Variants in ADAMTSL3 observed in about 807,000 individuals in gnomAD.
ADAMTSL3 encodes the protein ADAMTS like 3, also known as ADAMTS-like protein 3.
A neutral mutation model predicts 201.7 loss-of-function variants in ADAMTSL3; 128 were observed. The observed-to-expected ratio is 0.63, with a 90% confidence interval of 0.55 to 0.73. ADAMTSL3 has a LOEUF of 0.73. Among genes scored for constraint, ADAMTSL3 ranks in the 30% least tolerant of loss-of-function variants. ADAMTSL3 has a pLI of 0.00. For synonymous variants in ADAMTSL3, 738 were observed against 748.4 expected (o/e 0.99, Z 0.23); for missense variants, 1,990 against 2,119.6 (o/e 0.94, Z 1.20).
At position 83,773,647 on chromosome 15, in the gene ADAMTSL3, G is replaced by T; in HGVS notation, c.314G>T (p.Gly105Val). 5 of 1,608,766 alleles carry T rather than the reference G, an allele frequency of 3.1e-6. No individual in the cohort carries two copies. The highest frequency in any genetic ancestry group is 4.2e-6 in the Non-Finnish European group (5 of 1,178,526). ...TATTCTCTGCGGAGATGTTTGACTG[G>T]AAGGTTAGTGGTGGCTTCACTTGCT... ...ASYSLRRCLT[G>V]RNCEGQNIRY... Residue 105 changes from glycine (G) to valine (V), a missense_variant, in exon 4 of 30, where the codon GGA becomes GTA. By Grantham distance (109) the Gly-to-Val change is moderately radical. Coordinates refer to ENST00000286744, the MANE Select transcript of ADAMTSL3 (RefSeq NM_207517.3).
chr15:83,994,641 G>A, intron 23 of ADAMTSL3, among the ~76,000 whole-genome samples: 1 of 124,372 alleles, frequency 8.0e-6, no homozygotes, highest in East Asian at 2.6e-4. Flanking sequence ...CTGTTGCCCA[G>A]GTTGGAGGGC....
At position 83,873,258 on chromosome 15, in the gene ADAMTSL3, C is replaced by A. The variant is rs186588452; in HGVS notation, c.960+2299C>A. On this transcript the variant is annotated intron_variant, in intron 9 of 29. Transcript: ENST00000286744. ...GGCAGAGGTTGCAGTGAGCCAAGAT[C>A]GCACCACTGCATTCCAGCCTGGGCA... 1.1e-3 allele frequency among the ~76,000 whole-genome samples: 161 copies of A among 144,994 alleles called. 10 individuals carry two copies. Among genetic ancestry groups the A allele is most frequent in the Admixed American group, 9.8e-3 (146 of 14,848 alleles).
At chr15:83,725,007 C>CA (rs1182636130) in intron 3 of ADAMTSL3, among the ~76,000 whole-genome samples, 2 of 151,884 alleles carry the variant, frequency 1.3e-5, no homozygotes, top group Non-Finnish European at 2.9e-5. Context: ...AATAGTGCTG[C>CA]AAAAAACATG....
intron 4 of ADAMTSL3, among the ~76,000 whole-genome samples, chr15:83,791,179 C>G (rs2063338680): frequency 6.6e-6 from 1 of 152,026 alleles, no homozygotes; most frequent in Non-Finnish European, 1.5e-5. Flanking sequence ...TCTACAGATT[C>G]AGTGTAATCT....
chr15:83,670,636 A>G (rs1180269771), intron 2 of ADAMTSL3, among the ~76,000 whole-genome samples: 1 of 152,220 alleles, frequency 6.6e-6, no homozygotes, highest in African/African-American at 2.4e-5. Flanking sequence ...AAAAATGGCT[A>G]AGACCTAATC....
At chr15:83,837,395 G>A (rs2141975710) in intron 6 of ADAMTSL3, among the ~76,000 whole-genome samples, 1 of 152,148 alleles carries the variant, frequency 6.6e-6, no homozygotes, top group African/African-American at 2.4e-5. Context: ...ATTTAGGACA[G>A]TGGTTGTTTT....
intron 20 of ADAMTSL3, among the ~76,000 whole-genome samples, chr15:83,980,155 A>T (rs2067360161): frequency 6.6e-6 from 1 of 152,112 alleles, no homozygotes; most frequent in African/African-American, 2.4e-5. Flanking sequence ...CATGGTCAGA[A>T]ATATGGTCAG....
intron 6 of ADAMTSL3, among the ~76,000 whole-genome samples, chr15:83,822,661 A>T (rs1279629514): frequency 6.8e-6 from 1 of 147,366 alleles, no homozygotes. Context: ...GGCACTCCTC[A>T]CTTCCTAGAT....
At chr15:83,868,875 G>A (rs1018528526) in intron 8 of ADAMTSL3, among the ~76,000 whole-genome samples, 4 of 152,118 alleles carry the variant, frequency 2.6e-5, no homozygotes, top group African/African-American at 4.8e-5. Context: ...TCAAAACCAA[G>A]TTAACAAAAA....
intron 4 of ADAMTSL3, among the ~76,000 whole-genome samples, chr15:83,795,199 AC>A (rs2063405696): frequency 6.6e-6 from 1 of 152,092 alleles, no homozygotes; most frequent in Non-Finnish European, 1.5e-5. Flanking sequence ...ATTTTAAAAA[AC>A]TAGAAATGCC....
chr15:83,728,890 T>G (rs2062222971), intron 3 of ADAMTSL3, among the ~76,000 whole-genome samples: 1 of 152,126 alleles, frequency 6.6e-6, no homozygotes, highest in South Asian at 2.1e-4. Context: ...AAAGTCTTTT[T>G]CTTTCCAGTT....
At chr15:83,815,434 G>A (rs374364122) in intron 5 of ADAMTSL3, among the ~76,000 whole-genome samples, 3 of 152,158 alleles carry the variant, frequency 2.0e-5, no homozygotes, top group Non-Finnish European at 2.9e-5. Context: ...TCCCTAGCAC[G>A]TGACCTAGGG....
intron 4 of ADAMTSL3, among the ~76,000 whole-genome samples, chr15:83,789,707 C>T (rs544628125): frequency 4.7e-4 from 72 of 152,088 alleles, no homozygotes; most frequent in Non-Finnish European, 7.8e-4. Flanking sequence ...GTATTTAATC[C>T]CTGTTTTCAG....
At chr15:83,707,837 G>A (rs2061874565) in intron 3 of ADAMTSL3, among the ~76,000 whole-genome samples, 1 of 152,198 alleles carries the variant, frequency 6.6e-6, no homozygotes, top group African/African-American at 2.4e-5. Context: ...GGAACAAATT[G>A]TCTCATGTTG....
chr15:83,706,822 C>A (rs1220500783), intron 3 of ADAMTSL3, among the ~76,000 whole-genome samples: 1 of 146,252 alleles, frequency 6.8e-6, no homozygotes, highest in Non-Finnish European at 1.5e-5. Flanking sequence ...TACCACCACC[C>A]CTGGATAATT....
chr15:83,859,479 A>G (rs1304402557), intron 8 of ADAMTSL3, among the ~76,000 whole-genome samples: 1 of 152,166 alleles, frequency 6.6e-6, no homozygotes, highest in East Asian at 1.9e-4. Context: ...TTCCTGAAAA[A>G]CTACCCAGGG....
At position 84,014,429 on chromosome 15, in the gene ADAMTSL3, G is replaced by T. The variant is rs1316585108; in HGVS notation, c.3974-113G>T. On this transcript the variant is annotated intron_variant, in intron 23 of 29. Transcript: ENST00000286744. ...AATAGCCATTTTTCCTATTATATAT[G>T]ATTAAACCCATATGCTGACTTACGG... 4 of 966,604 alleles carry T rather than the reference G, an allele frequency of 4.1e-6. No homozygotes were observed. The African/African-American group carries it at 6.6e-5, about 16-fold the overall frequency. 59.9% of individuals were successfully genotyped at this position (966,604 alleles called of 1,614,324 possible). A position where few individuals can be genotyped will look rare whatever the true frequency, so the allele number is the denominator to read the frequency against.
chr15:84,010,214 A>G (rs1437515037), intron 23 of ADAMTSL3, among the ~76,000 whole-genome samples: 2 of 152,342 alleles, frequency 1.3e-5, no homozygotes, highest in South Asian at 4.1e-4. Flanking sequence ...AGGCCAGTGA[A>G]GTATTTGAAG....
At position 84,014,810 on chromosome 15, in the gene ADAMTSL3, T is replaced by C. The variant is rs1420512708; in HGVS notation, c.4156+86T>C. The C allele has an allele frequency of 1.6e-5, 21 of 1,308,882 alleles. No homozygotes were observed. The Admixed American group carries it at 5.2e-4, about 33-fold the overall frequency. 81.1% of individuals were successfully genotyped at this position (1,308,882 alleles called of 1,614,324 possible). On this transcript the variant is annotated intron_variant, in intron 24 of 29. Coordinates refer to ENST00000286744, the MANE Select transcript of ADAMTSL3 (RefSeq NM_207517.3). ...CAGTTTTGTTGATTTTGGAGTTGAG[T>C]GAACGAGATGGACATCAGATGGTTT...
Sources: allele counts gnomAD v4.1 joint callset (sites outside exome capture counted in the v4.1 genomes callset), GRCh38; gene constraint gnomAD v4.1.1; transcripts MANE v1.5; gene names NCBI Gene and HGNC (gene_info 2026-07-23, HGNC 2026-07-21).